The following SCFD2 variants were observed in gnomAD, a reference collection of about 807,000 sequenced individuals.
SCFD2 encodes sec1 family domain containing 2.
In SCFD2, 54 loss-of-function variants were observed where a neutral mutation model predicts 58.9. That is an observed-to-expected ratio of 0.92 (90% CI 0.74 to 1.15). SCFD2 has a LOEUF of 1.15. SCFD2 is among the 50% of genes most tolerant of loss of function. SCFD2 has a pLI of 0.00. For missense variants in SCFD2, 805 were observed against 836.6 expected, an observed-to-expected ratio of 0.96 and a Z score of 0.47; for synonymous variants, 321 against 335.9, an observed-to-expected ratio of 0.96 and a Z score of 0.49.
At chr4:53,213,289 G>A (rs900883226) in intron 4 of SCFD2, among the ~76,000 whole-genome samples, 1 of 151,984 alleles carries the variant, frequency 6.6e-6, no homozygotes, top group Non-Finnish European at 1.5e-5. Context: ...TATTGCTGCA[G>A]GTGTATAGAA....
chr4:53,155,186 C>A (rs746743871), intron 4 of SCFD2, among the ~76,000 whole-genome samples: 12 of 152,194 alleles, frequency 7.9e-5, no homozygotes, highest in Non-Finnish European at 1.6e-4. Flanking sequence ...GAATCTGGTA[C>A]ACGGTGGTAG....
chr4:53,007,305 GGA>G (rs147645284), intron 5 of SCFD2, among the ~76,000 whole-genome samples: 689 of 66,064 alleles, frequency 0.01, 22 homozygotes, highest in African/African-American at 0.037. Flanking sequence ...AGAGGGAGAG[GGA>G]GAGAGAGAGA....
chr4:53,124,413 C>A (rs1725567483), intron 5 of SCFD2, among the ~76,000 whole-genome samples: 1 of 152,048 alleles, frequency 6.6e-6, no homozygotes, highest in South Asian at 2.1e-4. Flanking sequence ...GTTAAGTGTC[C>A]TTCTCTTGTG....
Position 53,089,589 on chromosome 4 carries a change from T to C in SCFD2, c.1561+55744A>G, listed in dbSNP as rs182783514. Among the ~76,000 whole-genome samples, 4 of 152,294 alleles carry C rather than the reference T, an allele frequency of 2.6e-5. No homozygotes were observed. The East Asian group carries it at 5.8e-4, about 22-fold the overall frequency. On this transcript the variant is annotated intron_variant, in intron 5 of 8. Transcript: ENST00000401642. ...AATTTGTAAAAGAGACAAATAACTA[T>C]AAAGTAGGCAAATTAAATATTTAAT...
intron 7 of SCFD2, among the ~76,000 whole-genome samples, chr4:52,907,112 G>A (rs955971813): frequency 1.3e-5 from 2 of 152,184 alleles, no homozygotes; most frequent in African/African-American, 2.4e-5. Context: ...GCAAAGGGCT[G>A]TCACTAAGAC....
At chr4:53,002,916 T>C (rs11133240) in intron 5 of SCFD2, among the ~76,000 whole-genome samples, 131,463 of 152,170 alleles carry the variant, frequency 0.86, 56,957 homozygotes, top group Middle Eastern at 0.96. Flanking sequence ...CGGGAGCAGA[T>C]ATCTTACATG....
intron 3 of SCFD2, among the ~76,000 whole-genome samples, chr4:53,299,678 T>C (rs1488762917): frequency 6.6e-6 from 1 of 151,920 alleles, no homozygotes; most frequent in South Asian, 2.1e-4. Context: ...AAGGAAAAAA[T>C]GTTCAGGGCA....
At chr4:53,249,301 C>A (rs1191549824) in intron 4 of SCFD2, among the ~76,000 whole-genome samples, 1 of 152,096 alleles carries the variant, frequency 6.6e-6, no homozygotes, top group African/African-American at 2.4e-5. Flanking sequence ...AAATATGGGA[C>A]TATGTGAAAA....
intron 4 of SCFD2, among the ~76,000 whole-genome samples, chr4:53,152,180 T>C (rs1484950414): frequency 6.6e-6 from 1 of 152,096 alleles, no homozygotes; most frequent in Non-Finnish European, 1.5e-5. Context: ...TCCAGTCTCC[T>C]ATATAAACAA....
chr4:53,101,620 G>A (rs1724834735), intron 5 of SCFD2, among the ~76,000 whole-genome samples: 1 of 152,076 alleles, frequency 6.6e-6, no homozygotes, highest in Non-Finnish European at 1.5e-5. Flanking sequence ...TATAATGGTA[G>A]AGAAAAACCT....
At chr4:53,144,535 AT>A (rs1036032876) in intron 5 of SCFD2, among the ~76,000 whole-genome samples, 4 of 147,770 alleles carry the variant, frequency 2.7e-5, no homozygotes, top group East Asian at 2.0e-4. Context: ...GAATATATAT[AT>A]TTTTTATATA....
At chr4:53,161,162 G>A (rs529010300) in intron 4 of SCFD2, among the ~76,000 whole-genome samples, 11 of 152,298 alleles carry the variant, frequency 7.2e-5, no homozygotes, top group South Asian at 2.1e-4. Context: ...GGGAGTAACC[G>A]GGAGAGAGCA....
chr4:53,090,095 G>A (rs1724428411), intron 5 of SCFD2, among the ~76,000 whole-genome samples: 1 of 152,194 alleles, frequency 6.6e-6, no homozygotes, highest in South Asian at 2.1e-4. Context: ...AGAAGCTTTT[G>A]AAGGTTTGTC....
chr4:53,032,903 G>T (rs1722654737), intron 5 of SCFD2, among the ~76,000 whole-genome samples: 1 of 152,126 alleles, frequency 6.6e-6, no homozygotes. Flanking sequence ...ATATTAGACA[G>T]ATCAATGAGA....
intron 4 of SCFD2, among the ~76,000 whole-genome samples, chr4:53,248,448 G>C (rs1474015246): frequency 6.6e-6 from 1 of 152,214 alleles, no homozygotes; most frequent in Non-Finnish European, 1.5e-5. Flanking sequence ...GCCTGCCTCT[G>C]TAGGCTCCAC....
intron 5 of SCFD2, among the ~76,000 whole-genome samples, chr4:53,067,242 C>A (rs1041363219): frequency 1.3e-5 from 2 of 151,936 alleles, no homozygotes; most frequent in Non-Finnish European, 2.9e-5. Flanking sequence ...GAGATCTCAA[C>A]CCTGTGTATC....
chr4:53,079,914 T>C (rs1724091482), intron 5 of SCFD2, among the ~76,000 whole-genome samples: 1 of 152,216 alleles, frequency 6.6e-6, no homozygotes, highest in Non-Finnish European at 1.5e-5. Flanking sequence ...AGAAAACATA[T>C]ATAAGATTTA....
intron 5 of SCFD2, among the ~76,000 whole-genome samples, chr4:53,029,240 G>GA (rs369363997): frequency 8.7e-5 from 9 of 103,840 alleles, no homozygotes; most frequent in African/African-American, 2.6e-4. Flanking sequence ...AAAATCTTAC[G>GA]AAAAAAAAAA....
chr4:53,236,828 A>T (rs1374102747), intron 4 of SCFD2, among the ~76,000 whole-genome samples: 18 of 137,662 alleles, frequency 1.3e-4, no homozygotes, highest in African/African-American at 3.8e-4. Context: ...TTATTTATTT[A>T]TTTATTTATT....
Sources: gnomAD v4.1 joint callset for allele counts (sites outside exome capture counted in the v4.1 genomes callset) on GRCh38, gnomAD v4.1.1 for gene constraint, MANE v1.5 for transcripts, NCBI Gene and HGNC (gene_info 2026-07-23, HGNC 2026-07-21) for gene names.